MYLIP: variants seen among roughly 807,000 people sequenced by gnomAD.
MYLIP encodes the protein E3 ubiquitin-protein ligase MYLIP.
A neutral mutation model predicts 45.8 loss-of-function variants in MYLIP; 26 were observed. The ratio of observed to expected loss-of-function variants is 0.57; its 90% CI spans 0.42 to 0.79. MYLIP has a LOEUF of 0.79. MYLIP is among the 30% of genes least tolerant of loss of function. MYLIP has a pLI of 0.00. For synonymous variants in MYLIP, 213 were observed against 218.1 expected (o/e 0.98, Z 0.21); for missense variants, 494 against 555.6 (o/e 0.89, Z 1.11).
At chr6:16,154,038 G>A in the MYLIP span, among the ~76,000 whole-genome samples, 2 of 152,138 alleles carry the variant, frequency 1.3e-5, no homozygotes, top group Non-Finnish European at 2.9e-5. Context: ...CTATGCTTTT[G>A]TCTGTGGGAG....
rs1385128687 is a variant in MYLIP at position 16,129,326 on chromosome 6, CTG to C, written c.8_9del (p.Cys3LeufsTer37). On this transcript the variant is annotated frameshift_variant, in exon 1 of 7. Coordinates refer to ENST00000356840, the MANE Select transcript of MYLIP (RefSeq NM_013262.4). LOFTEE classifies it high-confidence loss of function. This position sits in a 1 kb window ranked among gnomAD's most constrained non-coding sequence, Gnocchi z 5.1. M[L>X]CYVTRPDAVL... ...GGCGGCAGCGGCAGCCCCAGCCATG[CTG>C]TGTTATGTGACGAGGCCGGACGCGG... The C allele has an allele frequency of 5.1e-6, 8 of 1,570,886 alleles. No individual in the cohort carries two copies. Among genetic ancestry groups the C allele is most frequent in the Non-Finnish European group, 6.9e-6 (8 of 1,158,878 alleles).
intron 6 of MYLIP, 21 bp downstream of exon 6, chr6:16,145,338 C>T: frequency 6.4e-7 from 1 of 1,554,664 alleles, no homozygotes; most frequent in Non-Finnish European, 8.7e-7. Flanking sequence ...CAGCTGCCCA[C>T]TTTTGCCTGC....
chr6:16,129,137 G>A lies in MYLIP; in HGVS notation c.-186G>A. The A allele has an allele frequency of 3.4e-6, 2 of 593,300 alleles. No individual in the cohort carries two copies. The highest frequency in any genetic ancestry group is 2.9e-6 in the Non-Finnish European group (1 of 340,996). The allele number at this position is 593,300 out of a possible 1,614,324, so 36.8% of individuals were successfully genotyped here. On this transcript the variant is annotated 5_prime_UTR_variant, in exon 1 of 7. Coordinates refer to ENST00000356840, the MANE Select transcript of MYLIP (RefSeq NM_013262.4). This position sits in a 1 kb window ranked among gnomAD's most constrained non-coding sequence, Gnocchi z 5.1. Reference sequence around the variant, plus strand: ...CCGCGGAGGACAGGGGCAGCTGGCGGGCAGCGGGTGAGGGGGTGGCGGGGA... The same window carrying A: ...CCGCGGAGGACAGGGGCAGCTGGCGAGCAGCGGGTGAGGGGGTGGCGGGGA...
intron 2 of MYLIP, among the ~76,000 whole-genome samples, chr6:16,140,787 A>AACG (rs1345478011): frequency 3.9e-5 from 6 of 152,216 alleles, no homozygotes; most frequent in African/African-American, 1.4e-4. Flanking sequence ...CCACGTTAAC[A>AACG]ACGTGCTCCC....
At chr6:16,148,810 A>G (rs186542666), downstream of MYLIP, among the ~76,000 whole-genome samples, 6 of 152,302 alleles carry the variant, frequency 3.9e-5, no homozygotes, top group Non-Finnish European at 5.9e-5. Context: ...TAACTGCTCT[A>G]TGCTTGCCAG....
the MYLIP span, chr6:16,163,338 C>T: frequency 6.6e-6 from 1 of 152,166 alleles, no homozygotes; most frequent in South Asian, 2.1e-4. Context: ...TCTGTTATAC[C>T]ATCCACAAGA....
At chr6:16,138,039 G>A (rs1360694455) in intron 2 of MYLIP, among the ~76,000 whole-genome samples, 1 of 152,144 alleles carries the variant, frequency 6.6e-6, no homozygotes, top group Non-Finnish European at 1.5e-5. Context: ...AAAACTTAAA[G>A]AAGAGTCATG....
intron 2 of MYLIP, among the ~76,000 whole-genome samples, chr6:16,137,750 T>C (rs1019259426): frequency 7.9e-5 from 12 of 152,214 alleles, no homozygotes; most frequent in African/African-American, 2.9e-4. Context: ...ATGATCTAAC[T>C]TCATTCCTTA....
intron 2 of MYLIP, among the ~76,000 whole-genome samples, chr6:16,137,451 G>GA (rs1482601135): frequency 1.3e-5 from 2 of 151,940 alleles, no homozygotes; most frequent in East Asian, 1.9e-4. Flanking sequence ...TTGAGAATTT[G>GA]AAAAAAATAG....
At chr6:16,161,868 C>A in the MYLIP span, among the ~76,000 whole-genome samples, 1 of 152,002 alleles carries the variant, frequency 6.6e-6, no homozygotes, top group African/African-American at 2.4e-5. Context: ...ATAATCTGAT[C>A]AAATTTTTGT....
At chr6:16,159,422 TA>T in the MYLIP span, among the ~76,000 whole-genome samples, 1 of 152,126 alleles carries the variant, frequency 6.6e-6, no homozygotes, top group Admixed American at 6.5e-5. Flanking sequence ...CTAAACACTG[TA>T]AGTATTGTGG....
rs1038129076 is a variant in MYLIP at position 16,129,508 on chromosome 6, G to A, written c.87+99G>A. 8.3e-7 allele frequency: 1 copy of A among 1,208,464 alleles called. No individual in the cohort carries two copies. Among genetic ancestry groups the A allele is most frequent in the Non-Finnish European group, 1.1e-6 (1 of 870,686 alleles). 74.9% of individuals were successfully genotyped at this position (1,208,464 alleles called of 1,614,324 possible). On this transcript the variant is annotated intron_variant, in intron 1 of 6. Coordinates refer to ENST00000356840, the MANE Select transcript of MYLIP (RefSeq NM_013262.4). This position sits in a 1 kb window ranked among gnomAD's most constrained non-coding sequence, Gnocchi z 5.1. ...TCTGGCGCGCCCCCTACTAGGGGCC[G>A]GGAGGCACTGCGGCGGCAGCCGGGG...
intron 2 of MYLIP, among the ~76,000 whole-genome samples, chr6:16,140,613 C>A (rs895157266): frequency 1.3e-5 from 2 of 152,096 alleles, no homozygotes; most frequent in Non-Finnish European, 2.9e-5. Context: ...AAGAATGGCC[C>A]TCAGGACAGA....
downstream of MYLIP, among the ~76,000 whole-genome samples, chr6:16,151,599 A>T (rs1759881355): frequency 6.6e-6 from 1 of 152,210 alleles, no homozygotes; most frequent in African/African-American, 2.4e-5. Context: ...TGCTTTTCAC[A>T]TTTAGTGTCT....
Position 16,129,287 on chromosome 6 carries a change from G to T in MYLIP, c.-36G>T. 6.5e-7 allele frequency: 1 copy of T among 1,549,350 alleles called. No homozygotes were observed. Among genetic ancestry groups the T allele is most frequent in the South Asian group, 1.2e-5 (1 of 84,072 alleles). On this transcript the variant is annotated 5_prime_UTR_variant, in exon 1 of 7. Transcript: ENST00000356840. This position sits in a 1 kb window ranked among gnomAD's most constrained non-coding sequence, Gnocchi z 5.1. The stretch of plus-strand genomic sequence containing the variant: ...AGGCGGCAGCCCCGCGCACACCAAA[G>T]AGAAGGCGGCTGTGGCGGCAGCGGC...
chr6:16,154,409 G>T, the MYLIP span, among the ~76,000 whole-genome samples: 3 of 152,250 alleles, frequency 2.0e-5, no homozygotes, highest in East Asian at 1.9e-4. Flanking sequence ...CTCACAACAT[G>T]CCCGTGAAGC....
chr6:16,135,743 G>GTATATATATATATATATA (rs1159042665), intron 2 of MYLIP, among the ~76,000 whole-genome samples: 14 of 94,904 alleles, frequency 1.5e-4, no homozygotes, highest in South Asian at 3.9e-4. Context: ...ATATGTGTGT[G>GTATATATATATATATATA]TATACATATA....
At chr6:16,158,313 A>G in the MYLIP span, among the ~76,000 whole-genome samples, 30 of 152,142 alleles carry the variant, frequency 2.0e-4, no homozygotes. Context: ...AAAGACAGAT[A>G]TTTTTCTCAG....
intron 5 of MYLIP, among the ~76,000 whole-genome samples, chr6:16,144,636 G>A (rs951832240): frequency 2.6e-5 from 4 of 152,292 alleles, no homozygotes; most frequent in South Asian, 2.1e-4. Flanking sequence ...ACTCAGTAGC[G>A]TCTGTCCTGG....
Sources: allele counts gnomAD v4.1 joint callset (sites outside exome capture counted in the v4.1 genomes callset), GRCh38; gene constraint gnomAD v4.1.1; non-coding constraint Gnocchi (gnomAD v3.1); transcripts MANE v1.5; gene names NCBI Gene and HGNC (gene_info 2026-07-23, HGNC 2026-07-21).